Variants in RAD51AP2 observed in about 807,000 individuals in gnomAD.
RAD51AP2 encodes the protein RAD51-associated protein 2.
RAD51AP2 carries 67 observed loss-of-function variants against 85.5 expected under a neutral mutation model. The ratio of observed to expected loss-of-function variants is 0.78; its 90% CI spans 0.64 to 0.96. The LOEUF (loss-of-function observed/expected upper bound fraction) is 0.96. RAD51AP2 is among the 40% of genes least tolerant of loss of function. RAD51AP2 has a pLI of 0.00. For missense variants in RAD51AP2, 1,307 were observed against 1,332.4 expected (o/e 0.98, Z 0.30); for synonymous variants, 474 against 446.5 (o/e 1.06, Z -0.78).
At position 17,516,062 on chromosome 2, in the gene RAD51AP2, T is replaced by C. The variant is rs1444632880; in HGVS notation, c.2354A>G (p.Asp785Gly). The C allele has an allele frequency of 1.2e-6, 2 of 1,613,684 alleles. No homozygotes were observed. Among genetic ancestry groups the C allele is most frequent in the Non-Finnish European group, 1.7e-6 (2 of 1,179,782 alleles). ...GGCCTGTTGCCTAACATTGCAGAGA[T>C]CTTCAAATATGTGCTCACAGTCAAA... ...SNFDCEHIFE[D>G]LCNVRQQAIP... The change falls in exon 1 of 3, where the codon GAT (aspartate) becomes GGT (glycine). Residue 785 changes from aspartate to glycine, a missense_variant. Transcript: ENST00000399080.
chr2:17,510,752 C>T lies in RAD51AP2; in HGVS notation c.*52G>A. Reference sequence around the variant, plus strand: ...CCCCCAAGCTGGAAGAACATATATCCAAAGAAAACAAAACATTTCTAGATG... The same window carrying T: ...CCCCCAAGCTGGAAGAACATATATCTAAAGAAAACAAAACATTTCTAGATG... On this transcript the variant is annotated 3_prime_UTR_variant, in exon 3 of 3. Coordinates refer to ENST00000399080, the MANE Select transcript of RAD51AP2 (RefSeq NM_001099218.3). 7.7e-7 allele frequency: 1 copy of T among 1,303,002 alleles called. No homozygotes were observed. Among genetic ancestry groups the T allele is most frequent in the Non-Finnish European group, 1.0e-6 (1 of 965,574 alleles). The allele number at this position is 1,303,002 out of a possible 1,614,324, so 80.7% of individuals were successfully genotyped here.
chr2:17,514,587 A>C (rs557825448), intron 1 of RAD51AP2, among the ~76,000 whole-genome samples: 2 of 152,208 alleles, frequency 1.3e-5, no homozygotes, highest in East Asian at 3.9e-4. Flanking sequence ...AGGCCAACAC[A>C]GTGAAGCCCC....
In RAD51AP2 at chr2:17,517,541, TC is replaced by T. The variant is rs1662721296; in HGVS notation, c.874del (p.Asp292IlefsTer26). 6.2e-7 allele frequency: 1 copy of T among 1,613,572 alleles called. No homozygotes were observed. Among genetic ancestry groups the T allele is most frequent in the Admixed American group, 1.7e-5 (1 of 59,914 alleles). On this transcript the variant is annotated frameshift_variant, in exon 1 of 3. Transcript: ENST00000399080. LOFTEE classifies it high-confidence loss of function. ...KNDKKEAYVR[D>X]FTNIYWSQNR... ...TTGGGACCAGTAAATGTTTGTGAAA[TC>T]CCTAACATATGCCTCTTTTTTGTCA...
At chr2:17,530,723 C>T in the RAD51AP2 span, among the ~76,000 whole-genome samples, 51 of 151,522 alleles carry the variant, frequency 3.4e-4, no homozygotes, top group African/African-American at 1.2e-3. Context: ...ATTAATGGTC[C>T]ATTCTCTTAG....
At chr2:17,532,965 T>C in the RAD51AP2 span, among the ~76,000 whole-genome samples, 3 of 152,212 alleles carry the variant, frequency 2.0e-5, no homozygotes, top group Non-Finnish European at 2.9e-5. Context: ...TGTTTGACAA[T>C]ACTAAAATCA....
the RAD51AP2 span, among the ~76,000 whole-genome samples, chr2:17,525,809 C>T: frequency 6.6e-6 from 1 of 151,928 alleles, no homozygotes; most frequent in East Asian, 1.9e-4. Context: ...GGACAATAAC[C>T]TAGAAAACCA....
Position 17,517,665 on chromosome 2 carries a change from A to G in RAD51AP2, c.751T>C (p.Phe251Leu). 6.2e-7 allele frequency: 1 copy of G among 1,613,878 alleles called. No individual in the cohort carries two copies. Among genetic ancestry groups the G allele is most frequent in the South Asian group, 1.1e-5 (1 of 90,940 alleles). Residue 251 changes from phenylalanine (F) to leucine (L), a missense_variant, in exon 1 of 3, where the codon TTT (phenylalanine) becomes CTT (leucine). Transcript: ENST00000399080. Reference protein sequence around the residue: ...PSLEIAKPSYFRDSGTISVPQ... With the variant: ...PSLEIAKPSYLRDSGTISVPQ... ...ACACTTATTGTGCCGCTATCTCTAA[A>G]ATAGCTAGGTTTGGCAATTTCCAAG... is the stretch of plus-strand genomic sequence containing the variant.
Position 17,517,490 on chromosome 2 carries a change from T to G in RAD51AP2, c.926A>C (p.Lys309Thr), listed in dbSNP as rs1662719459. ...TACAGTTTTTTTATCATTCTGTAAC[T>G]TTTGCTTCTTAACATCAGGTCTATT... ...SQNRPDVKKQKLQNDKKTVEA... is the reference protein window; with the variant it reads ...SQNRPDVKKQTLQNDKKTVEA... Residue 309 changes from lysine (K) to threonine (T), a missense_variant, in exon 1 of 3, where the codon AAG (lysine) becomes ACG (threonine). Lys to Thr is a moderately conservative substitution (Grantham distance 78, BLOSUM62 -1). This residue lies in a region of RAD51AP2 where 635 missense variants were observed against 643.6 expected (regional missense o/e 0.99). Coordinates refer to ENST00000399080, the MANE Select transcript of RAD51AP2 (RefSeq NM_001099218.3). 6.2e-7 allele frequency: 1 copy of G among 1,613,902 alleles called. No individual in the cohort carries two copies. The highest frequency in any genetic ancestry group is 8.5e-7 in the Non-Finnish European group (1 of 1,179,982).
rs1268646337 is a variant in RAD51AP2, at chr2:17,516,033, G to A, written c.2383C>T (p.Pro795Ser). Residue 795 changes from proline (P) to serine (S), a missense_variant, in exon 1 of 3, where the codon CCA becomes TCA. Around this residue, in one of 3 missense-constraint regions of RAD51AP2, gnomAD observed 668 missense variants for 671.0 expected, o/e 1.00. Coordinates refer to ENST00000399080, the MANE Select transcript of RAD51AP2 (RefSeq NM_001099218.3). The stretch of plus-strand genomic sequence containing the variant: ...TTATGTATTATGTTGTGGCTTGCTG[G>A]TATGGCCTGTTGCCTAACATTGCAG... Reference protein sequence around the residue: ...DLCNVRQQAIPASHNIIHNEE... With the variant: ...DLCNVRQQAISASHNIIHNEE... 3 of 1,613,822 alleles carry A rather than the reference G, an allele frequency of 1.9e-6. No homozygotes were observed. The highest frequency in any genetic ancestry group is 2.2e-5 in the East Asian group (1 of 44,846).
At chr2:17,512,335 A>G (rs906776086) in intron 2 of RAD51AP2, among the ~76,000 whole-genome samples, 1 of 152,222 alleles carries the variant, frequency 6.6e-6, no homozygotes, top group African/African-American at 2.4e-5. Flanking sequence ...ATTCCCCAGT[A>G]TCTTCCAACT....
intron 2 of RAD51AP2, among the ~76,000 whole-genome samples, chr2:17,513,162 CTG>C (rs1040241822): frequency 4.0e-5 from 6 of 151,312 alleles, no homozygotes; most frequent in African/African-American, 1.5e-4. Flanking sequence ...GTTAGACATA[CTG>C]TGTTTTATTC....
At position 17,516,544 on chromosome 2, in the gene RAD51AP2, A is replaced by G. The variant is rs201480546; in HGVS notation, c.1872T>C (p.Asn624=). Residue 624 remains asparagine, a synonymous_variant, in exon 1 of 3, where the codon AAT becomes AAC. Transcript: ENST00000399080. ...AAATCTTTACTAGATATGCAGTATG[A>G]TTTTCCACTATATTTTTTGGATACT... ...YLKYPKNIVE[N]HTAYLVKILT... 8.7e-5 allele frequency: 136 copies of G among 1,569,272 alleles called. No individual in the cohort carries two copies. In the African/African-American group the frequency reaches 1.5e-3, roughly 17 times the overall value.
the RAD51AP2 span, among the ~76,000 whole-genome samples, chr2:17,524,388 G>A: frequency 2.0e-5 from 3 of 151,938 alleles, no homozygotes; most frequent in Admixed American, 1.3e-4. Context: ...AGTATAATAG[G>A]ATAAGCGCTA....
At position 17,514,049 on chromosome 2, in the gene RAD51AP2, A is replaced by T; in HGVS notation, c.3291T>A (p.Asp1097Glu). 6.3e-7 allele frequency: 1 copy of T among 1,588,014 alleles called. No homozygotes were observed. ...PLPKRPAFLP[D>E]ECKEEFNYLL... ...AATAATTAAATTCTTCTTTACATTC[A>T]TCAGGGAGAAAAGCAGGTCTTTTAG... Residue 1097 changes from aspartate to glutamate, a missense_variant, in exon 2 of 3, where the codon GAT becomes GAA. Around this residue, in one of 3 missense-constraint regions of RAD51AP2, gnomAD observed 668 missense variants for 671.0 expected, o/e 1.00. Transcript: ENST00000399080.
upstream of RAD51AP2, among the ~76,000 whole-genome samples, chr2:17,520,647 C>T (rs1012407273): frequency 1.3e-5 from 2 of 152,054 alleles, no homozygotes; most frequent in African/African-American, 4.8e-5. Context: ...ACACAATCTC[C>T]TATTAGAGTT....
At chr2:17,521,659 G>T (rs752051270), upstream of RAD51AP2, among the ~76,000 whole-genome samples, 1 of 151,892 alleles carries the variant, frequency 6.6e-6, no homozygotes, top group African/African-American at 2.4e-5. Context: ...AGAAAATCAG[G>T]ATACTGTGTA....
the RAD51AP2 span, among the ~76,000 whole-genome samples, chr2:17,527,848 A>C: frequency 6.6e-6 from 1 of 152,240 alleles, no homozygotes; most frequent in East Asian, 1.9e-4. Flanking sequence ...GGAGTTCAAC[A>C]GCAGATAAGG....
chr2:17,514,460 T>G (rs577526920), intron 1 of RAD51AP2, among the ~76,000 whole-genome samples: 16 of 151,722 alleles, frequency 1.1e-4, no homozygotes, highest in Admixed American at 3.9e-4. Context: ...ATGAAACAGG[T>G]GTAGAAGTTA....
At chr2:17,526,536 T>G in the RAD51AP2 span, among the ~76,000 whole-genome samples, 2 of 152,158 alleles carry the variant, frequency 1.3e-5, no homozygotes, top group African/African-American at 2.4e-5. Flanking sequence ...GAGTTTGATT[T>G]ATAGACGAAG....
Sources: gnomAD v4.1 joint callset for allele counts (sites outside exome capture counted in the v4.1 genomes callset) on GRCh38, gnomAD v4.1.1 for gene constraint, gnomAD v4.1.1 regional missense constraint, MANE v1.5 for transcripts, NCBI Gene and HGNC (gene_info 2026-07-23, HGNC 2026-07-21) for gene names.